Variants in NRXN3 observed in about 807,000 individuals in gnomAD.
NRXN3 encodes neurexin 3.
NRXN3 carries 32 observed loss-of-function variants against 137.6 expected under a neutral mutation model. The ratio of observed to expected loss-of-function variants is 0.23; its 90% CI spans 0.18 to 0.31. The LOEUF (loss-of-function observed/expected upper bound fraction) is 0.31. Ranked by LOEUF, NRXN3 falls within the 10% of genes least tolerant of loss-of-function variation. The pLI, the probability that NRXN3 is intolerant of heterozygous loss-of-function variation, is 1.00. For missense variants in NRXN3, 1,574 were observed against 2,062.5 expected, an observed-to-expected ratio of 0.76 and a Z score of 4.59; for synonymous variants, 798 against 784.5, an observed-to-expected ratio of 1.02 and a Z score of -0.29.
At chr14:78,642,048 T>C (rs2097640228) in intron 4 of NRXN3, among the ~76,000 whole-genome samples, 2 of 152,226 alleles carry the variant, frequency 1.3e-5, no homozygotes, top group Non-Finnish European at 2.9e-5. Flanking sequence ...GGAATTGGTT[T>C]CTGGCTCAAT....
chr14:78,663,590 A>C (rs1296022009), intron 6 of NRXN3, among the ~76,000 whole-genome samples: 2 of 152,204 alleles, frequency 1.3e-5, no homozygotes, highest in Non-Finnish European at 2.9e-5. Flanking sequence ...ATTTTCCATG[A>C]AGTTGGAGCT....
intron 16 of NRXN3, among the ~76,000 whole-genome samples, chr14:79,492,990 A>G (rs905149383): frequency 6.6e-6 from 1 of 152,214 alleles, no homozygotes; most frequent in Non-Finnish European, 1.5e-5. Context: ...CAGGAACAGC[A>G]AAGTATTTAC....
At chr14:79,247,896 TA>T (rs113266849) in intron 15 of NRXN3, among the ~76,000 whole-genome samples, 5,150 of 148,770 alleles carry the variant, frequency 0.035, 232 homozygotes, top group African/African-American at 0.11. Flanking sequence ...ATAAAAAAAT[TA>T]AAAAAAAAAC....
chr14:79,665,569 A>G lies in NRXN3; in HGVS notation c.3616+1620A>G, dbSNP rs185031292. ...TTCATAGGCTCATAGAAAAAAATCA[A>G]TCTCTCTCTCCATATGTGTTATCAT... On this transcript the variant is annotated intron_variant, in intron 17 of 20. Coordinates refer to ENST00000335750, the MANE Select transcript of NRXN3 (RefSeq NM_001330195.2). Among the ~76,000 whole-genome samples the G allele has an allele frequency of 2.0e-5, 3 of 152,128 alleles. No homozygotes were observed. In the East Asian group the frequency reaches 5.8e-4, roughly 30 times the overall value.
At chr14:78,657,067 A>G (rs1312638103) in intron 6 of NRXN3, among the ~76,000 whole-genome samples, 1 of 150,950 alleles carries the variant, frequency 6.6e-6, no homozygotes, top group Non-Finnish European at 1.5e-5. Context: ...AAAAAAAAAA[A>G]AAAAAAAAGA....
At chr14:79,232,258 G>A (rs1170971300) in intron 15 of NRXN3, among the ~76,000 whole-genome samples, 7 of 151,874 alleles carry the variant, frequency 4.6e-5, no homozygotes, top group South Asian at 2.1e-4. Context: ...GTGTGCGCGC[G>A]CACGTGTGTG....
intron 4 of NRXN3, among the ~76,000 whole-genome samples, chr14:78,497,670 T>C (rs1254774264): frequency 6.6e-6 from 1 of 152,034 alleles, no homozygotes; most frequent in Non-Finnish European, 1.5e-5. Flanking sequence ...AAATTTCCAT[T>C]TTTAAAGGGA....
At chr14:79,558,384 G>A (rs1316938203) in intron 16 of NRXN3, among the ~76,000 whole-genome samples, 1 of 152,118 alleles carries the variant, frequency 6.6e-6, no homozygotes, top group Non-Finnish European at 1.5e-5. Flanking sequence ...TTTCTTGCAT[G>A]ATAAGACATG....
chr14:79,710,359 A>T (rs1174217765), intron 19 of NRXN3, among the ~76,000 whole-genome samples: 1 of 152,130 alleles, frequency 6.6e-6, no homozygotes, highest in East Asian at 1.9e-4. Flanking sequence ...TTAAAAAAAA[A>T]TAATAAAAAT....
At chr14:79,445,786 A>C (rs1453817014) in intron 15 of NRXN3, among the ~76,000 whole-genome samples, 1 of 152,210 alleles carries the variant, frequency 6.6e-6, no homozygotes, top group African/African-American at 2.4e-5. Flanking sequence ...GTATGAGGCC[A>C]GGTAAAGTAA....
intron 10 of NRXN3, among the ~76,000 whole-genome samples, chr14:78,886,891 T>A (rs1233130256): frequency 6.6e-6 from 1 of 152,126 alleles, no homozygotes; most frequent in Non-Finnish European, 1.5e-5. Flanking sequence ...TCTCTAAAGT[T>A]TTGCTGTGAA....
At chr14:79,676,177 A>G in intron 17 of NRXN3, among the ~76,000 whole-genome samples, 1 of 151,992 alleles carries the variant, frequency 6.6e-6, no homozygotes, top group East Asian at 1.9e-4. Flanking sequence ...CTGAGGATGG[A>G]CTAGCCCACT....
chr14:79,504,643 A>T (rs896085682), intron 16 of NRXN3, among the ~76,000 whole-genome samples: 2 of 103,434 alleles, frequency 1.9e-5, no homozygotes, highest in Non-Finnish European at 4.2e-5. Flanking sequence ...GAAGTTTTTT[A>T]TATATATATA....
At chr14:78,937,854 C>T (rs1054932597) in intron 10 of NRXN3, among the ~76,000 whole-genome samples, 4 of 152,344 alleles carry the variant, frequency 2.6e-5, no homozygotes, top group Non-Finnish European at 5.9e-5. Flanking sequence ...AACCTGACTG[C>T]TTAAAATCCA....
intron 10 of NRXN3, among the ~76,000 whole-genome samples, chr14:78,833,479 T>G (rs890136728): frequency 2.0e-5 from 3 of 152,158 alleles, no homozygotes; most frequent in African/African-American, 7.2e-5. Context: ...GAATGCTTGG[T>G]TTTGTTCCCA....
intron 17 of NRXN3, among the ~76,000 whole-genome samples, chr14:79,666,125 G>A (rs960809959): frequency 2.0e-5 from 3 of 152,078 alleles, no homozygotes; most frequent in Non-Finnish European, 4.4e-5. Context: ...ATAAGTGTAA[G>A]AATTTCTAAG....
chr14:78,918,188 G>A (rs2099261145), intron 10 of NRXN3, among the ~76,000 whole-genome samples: 1 of 150,878 alleles, frequency 6.6e-6, no homozygotes, highest in Non-Finnish European at 1.5e-5. Context: ...AGGAGGCTGA[G>A]GCGGGAGAAT....
intron 1 of NRXN3, among the ~76,000 whole-genome samples, chr14:78,190,190 T>C (rs557023193): frequency 6.6e-6 from 1 of 152,316 alleles, no homozygotes; most frequent in East Asian, 1.9e-4. Context: ...TCTTGCCTAG[T>C]CCTTGAGGGC....
chr14:78,848,261 G>A (rs2099033135), intron 10 of NRXN3, among the ~76,000 whole-genome samples: 1 of 152,078 alleles, frequency 6.6e-6, no homozygotes, highest in Non-Finnish European at 1.5e-5. Context: ...GATGCTCAGG[G>A]ATCTTCTTCT....
Sources: gnomAD v4.1 joint callset for allele counts (sites outside exome capture counted in the v4.1 genomes callset) on GRCh38, gnomAD v4.1.1 for gene constraint, MANE v1.5 for transcripts, NCBI Gene and HGNC (gene_info 2026-07-23, HGNC 2026-07-21) for gene names.